The following MOB3A variants were observed in gnomAD, a reference collection of about 807,000 sequenced individuals.
MOB3A encodes MOB kinase activator 3A.
Under a neutral mutation model 17.8 loss-of-function variants are expected in MOB3A, and 17 were observed. The observed-to-expected ratio is 0.95, with a 90% confidence interval of 0.65 to 1.43. The LOEUF is 1.43. MOB3A is among the 40% of genes most tolerant of loss of function. MOB3A has a pLI of 0.00. For missense variants in MOB3A, 333 were observed against 310.8 expected (o/e 1.07, Z -0.54); for synonymous variants, 124 against 133.2 (o/e 0.93, Z 0.48).
chr19:2,089,725 T>C (rs1341511454), intron 1 of MOB3A, among the ~76,000 whole-genome samples: 1 of 152,110 alleles, frequency 6.6e-6, no homozygotes, highest in East Asian at 1.9e-4. Context: ...GTCTGCCATA[T>C]TGGGAGTTTA....
At chr19:2,074,868 C>T (rs1047966283) in intron 4 of MOB3A, among the ~76,000 whole-genome samples, 1 of 152,066 alleles carries the variant, frequency 6.6e-6, no homozygotes, top group African/African-American at 2.4e-5. Context: ...CAGGCGCGTG[C>T]CACCATGCCC....
Position 2,076,928 on chromosome 19 carries a change from G to A in MOB3A, c.507C>T (p.His169=), listed in dbSNP as rs2017417536. The change falls in exon 4 of 5, where the codon CAC becomes CAT. Residue 169 remains histidine (H), a synonymous_variant. Transcript: ENST00000357066. The part of the protein sequence containing the change: ...LFRVFVHVYI[H]HFDRIAQMGS... ...CCATCTGCGCGATGCGGTCAAAGTGGTGGATGTAGACGTGCACGAACACGC... is the reference window on the plus strand; with the variant it reads ...CCATCTGCGCGATGCGGTCAAAGTGATGGATGTAGACGTGCACGAACACGC... 5 of 1,613,956 alleles carry A rather than the reference G, an allele frequency of 3.1e-6. No individual in the cohort carries two copies. Among genetic ancestry groups the A allele is most frequent in the Non-Finnish European group, 4.2e-6 (5 of 1,180,058 alleles).
rs781472812 is a variant in MOB3A, at chr19:2,078,479, G to A, written c.82C>T (p.Arg28Cys). The A allele has an allele frequency of 1.1e-5, 18 of 1,610,230 alleles. No homozygotes were observed. Among genetic ancestry groups the A allele is most frequent in the Middle Eastern group, 3.3e-4 (2 of 6,044 alleles). Residue 28 changes from arginine to cysteine, a missense_variant, in exon 3 of 5, where the codon CGC (arginine) becomes TGC (cysteine). By Grantham distance (180) the Arg-to-Cys change is radical (BLOSUM62 -3). Coordinates refer to ENST00000357066, the MANE Select transcript of MOB3A (RefSeq NM_130807.3). ...TGCGCCTTCTTGTGCAGCTCGAAGC[G>A]CTGGGTGCCTGGCTCAAACTTGCGC... is the stretch of plus-strand genomic sequence containing the variant. ...PKRKFEPGTQ[R>C]FELHKKAQAS...
intron 3 of MOB3A, among the ~76,000 whole-genome samples, chr19:2,077,674 G>C (rs1297244773): frequency 6.6e-6 from 1 of 152,132 alleles, no homozygotes. Context: ...GCCTGATGCT[G>C]ATCCTGTCAT....
chr19:2,095,676 C>A (rs914484234), intron 1 of MOB3A, among the ~76,000 whole-genome samples: 7 of 152,092 alleles, frequency 4.6e-5, no homozygotes, highest in African/African-American at 1.7e-4. Context: ...GGCCTCCTCG[C>A]CGCCTAAGTT....
intron 1 of MOB3A, among the ~76,000 whole-genome samples, chr19:2,096,010 C>T (rs1380167166): frequency 3.9e-5 from 6 of 152,156 alleles, no homozygotes; most frequent in Non-Finnish European, 7.4e-5. Flanking sequence ...TCCCAAAGTG[C>T]TGGGATTACA....
At chr19:2,075,489 C>T (rs1034622759) in intron 4 of MOB3A, among the ~76,000 whole-genome samples, 7 of 152,230 alleles carry the variant, frequency 4.6e-5, no homozygotes, top group South Asian at 4.1e-4. Context: ...AAAAATCAGC[C>T]GGGCGTGCTG....
rs1244011145 is a variant in MOB3A, at chr19:2,092,001, G to GA, written c.-274+4224dup. 7.4e-3 allele frequency among the ~76,000 whole-genome samples: 559 copies of GA among 75,566 alleles called. 2 individuals are homozygous for GA. The Middle Eastern group carries it at 0.094, about 13-fold the overall frequency. The allele number at this position is 75,566 out of a possible 152,430, so 49.6% of individuals were successfully genotyped here. ...GACGAGCAAAACTCTGTCTGTAACA[G>GA]AAAAAAAAAAGAGAAAGAAAGAATA... is the stretch of plus-strand genomic sequence containing the variant. On this transcript the variant is annotated intron_variant, in intron 1 of 4. Transcript: ENST00000357066.
intron 2 of MOB3A, 36 bp downstream of exon 2, chr19:2,085,139 C>T (rs1356277419): frequency 5.3e-5 from 8 of 152,138 alleles, no homozygotes; most frequent in South Asian, 4.1e-4. Flanking sequence ...CCCTGACTCC[C>T]GCCCTCGTTG....
chr19:2,081,923 G>A (rs184622880), intron 2 of MOB3A, among the ~76,000 whole-genome samples: 3 of 152,274 alleles, frequency 2.0e-5, no homozygotes, highest in Admixed American at 6.5e-5. Context: ...CACTGTGAAC[G>A]CAGTGACGAC....
At position 2,089,526 on chromosome 19, in the gene MOB3A, C is replaced by T. The variant is rs1270182842; in HGVS notation, c.-273-4198G>A. The stretch of plus-strand genomic sequence containing the variant: ...AAAACACAAATGTCCCAGACTTGGC[C>T]CAGTGTCCCCTGGGGGCAGAATTAC... On this transcript the variant is annotated intron_variant, in intron 1 of 4. Coordinates refer to ENST00000357066, the MANE Select transcript of MOB3A (RefSeq NM_130807.3). Among the ~76,000 whole-genome samples the T allele has an allele frequency of 2.6e-5, 4 of 151,188 alleles. No individual in the cohort carries two copies. In the East Asian group the frequency reaches 7.8e-4, roughly 29 times the overall value.
chr19:2,074,712 C>T (rs1407249973), intron 4 of MOB3A, among the ~76,000 whole-genome samples: 2 of 151,792 alleles, frequency 1.3e-5, no homozygotes, highest in Non-Finnish European at 2.9e-5. Context: ...ACCACCATGC[C>T]TGGCTAATTT....
At chr19:2,076,767 C>A (rs1423841486) in intron 4 of MOB3A, 44 bp downstream of exon 4, 8 of 1,593,206 alleles carry the variant, frequency 5.0e-6, no homozygotes, top group Non-Finnish European at 6.9e-6. Context: ...CACGGGCCAC[C>A]AGCCCCACCG....
At position 2,093,169 on chromosome 19, in the gene MOB3A, T is replaced by G. The variant is rs2017632390; in HGVS notation, c.-274+3057A>C. Reference sequence around the variant, plus strand: ...TACCTCCTTGGAAGGGAATTTTTTTTTTTTTCGAGACGTTGTCTTACTCTG... The same window carrying G: ...TACCTCCTTGGAAGGGAATTTTTTTGTTTTTCGAGACGTTGTCTTACTCTG... On this transcript the variant is annotated intron_variant, in intron 1 of 4. Transcript: ENST00000357066. The surrounding 1 kb of genome is among the most constrained non-coding windows in gnomAD (Gnocchi z 4.6). Among the ~76,000 whole-genome samples the G allele has an allele frequency of 6.6e-6, 1 of 152,056 alleles. No homozygotes were observed. The highest frequency in any genetic ancestry group is 2.4e-5 in the African/African-American group (1 of 41,412).
Position 2,072,230 on chromosome 19 carries a change from C to T in MOB3A, c.*1165G>A, listed in dbSNP as rs1221956398. The T allele has an allele frequency of 6.6e-6, 1 of 152,150 alleles. No homozygotes were observed. Among genetic ancestry groups the T allele is most frequent in the Non-Finnish European group, 1.5e-5 (1 of 68,068 alleles). 9.4% of individuals were successfully genotyped at this position (152,150 alleles called of 1,614,324 possible). On this transcript the variant is annotated 3_prime_UTR_variant, in exon 5 of 5. Coordinates refer to ENST00000357066, the MANE Select transcript of MOB3A (RefSeq NM_130807.3). ...CCAAGGTAGGCGGATCACCTGAAGT[C>T]AGGAGTTTGAGACCAGCCTGGCCAA...
At chr19:2,087,925 G>T (rs1001239130) in intron 1 of MOB3A, among the ~76,000 whole-genome samples, 6 of 152,224 alleles carry the variant, frequency 3.9e-5, no homozygotes, top group African/African-American at 1.4e-4. Flanking sequence ...TGGCCTCCTG[G>T]ATGGCTTCAG....
intron 2 of MOB3A, 62 bp downstream of exon 2, chr19:2,085,113 C>T (rs1289955892): frequency 4.6e-5 from 7 of 152,108 alleles, no homozygotes; most frequent in South Asian, 2.1e-4. Context: ...AAAGAAAGGC[C>T]GGGGTGGCCT....
chr19:2,079,123 T>C (rs2017454177), intron 2 of MOB3A, among the ~76,000 whole-genome samples: 1 of 152,216 alleles, frequency 6.6e-6, no homozygotes, highest in Middle Eastern at 3.2e-3. Flanking sequence ...ACCTCCTCAG[T>C]GGACAGAAGA....
At chr19:2,075,041 T>G (rs1457211718) in intron 4 of MOB3A, among the ~76,000 whole-genome samples, 1 of 151,354 alleles carries the variant, frequency 6.6e-6, no homozygotes, top group Admixed American at 6.6e-5. Context: ...TCTTTTTTTT[T>G]TTTTTTGAGA....
Sources: gnomAD v4.1 joint callset for allele counts (sites outside exome capture counted in the v4.1 genomes callset) on GRCh38, gnomAD v4.1.1 for gene constraint, Gnocchi (gnomAD v3.1) non-coding constraint, MANE v1.5 for transcripts, NCBI Gene and HGNC (gene_info 2026-07-23, HGNC 2026-07-21) for gene names.